DENND1B: variants seen among roughly 807,000 people sequenced by gnomAD.
DENND1B encodes the protein DENN domain containing 1B.
In DENND1B, 59 loss-of-function variants were observed where a neutral mutation model predicts 90.1. The observed-to-expected ratio is 0.65, with a 90% CI of 0.53 to 0.81. The LOEUF is 0.81. Ranked by LOEUF, DENND1B falls within the 40% of genes least tolerant of loss-of-function variation. The pLI, the probability that DENND1B is intolerant of heterozygous loss-of-function variation, is 0.00. For missense variants in DENND1B, 862 were observed against 912.6 expected, an observed-to-expected ratio of 0.94 and a Z score of 0.71; for synonymous variants, 337 against 324.6, an observed-to-expected ratio of 1.04 and a Z score of -0.41.
intron 13 of DENND1B, among the ~76,000 whole-genome samples, chr1:197,600,032 T>G (rs758642375): frequency 1.1e-4 from 17 of 151,756 alleles, no homozygotes; most frequent in Non-Finnish European, 1.9e-4. Flanking sequence ...AGGAAAACCT[T>G]TATATATGTT....
rs1670969786 is a variant in DENND1B, at chr1:197,548,354, T to TAG, written c.1241-1582_1241-1581insCT. ...CTTTAGAGCTCAGGCCTACTCTATCTTTGTGAAGGATGTGATTTGGGATGA... is the reference window on the plus strand; with the variant it reads ...CTTTAGAGCTCAGGCCTACTCTATCTAGTTGTGAAGGATGTGATTTGGGATGA... On this transcript the variant is annotated intron_variant, in intron 16 of 22. Coordinates refer to ENST00000620048, the MANE Select transcript of DENND1B (RefSeq NM_001195215.2). Among the ~76,000 whole-genome samples the TAG allele has an allele frequency of 3.3e-5, 5 of 152,270 alleles. No individual in the cohort carries two copies. The South Asian group carries it at 1.0e-3, about 32-fold the overall frequency.
intron 8 of DENND1B, 109 bp downstream of exon 8, chr1:197,646,946 A>G: frequency 1.3e-6 from 1 of 754,670 alleles, no homozygotes; most frequent in South Asian, 2.2e-5. Flanking sequence ...TAAGAGTCAA[A>G]TTCACCATTT....
At chr1:197,717,133 C>T (rs754083064) in intron 2 of DENND1B, among the ~76,000 whole-genome samples, 21 of 151,876 alleles carry the variant, frequency 1.4e-4, no homozygotes, top group Non-Finnish European at 2.4e-4. Flanking sequence ...TTAGTTACTG[C>T]CTATGTGATT....
At chr1:197,528,592 G>T (rs1669311521) in intron 20 of DENND1B, among the ~76,000 whole-genome samples, 1 of 152,150 alleles carries the variant, frequency 6.6e-6, no homozygotes, top group South Asian at 2.1e-4. Context: ...CGGGCGCGGT[G>T]ACTCACGCCT....
At chr1:197,637,878 G>A (rs1038511451) in intron 10 of DENND1B, among the ~76,000 whole-genome samples, 4 of 152,174 alleles carry the variant, frequency 2.6e-5, no homozygotes, top group Non-Finnish European at 5.9e-5. Flanking sequence ...TAGGAAGCAG[G>A]ACTACGTAAT....
intron 18 of DENND1B, among the ~76,000 whole-genome samples, chr1:197,545,275 G>A (rs967223415): frequency 5.3e-5 from 8 of 151,924 alleles, no homozygotes; most frequent in Non-Finnish European, 1.2e-4. Context: ...CATGGTGGTG[G>A]GTGCCTGTAA....
chr1:197,745,147 G>A (rs929602061), intron 2 of DENND1B, among the ~76,000 whole-genome samples: 2 of 152,166 alleles, frequency 1.3e-5, no homozygotes, highest in Admixed American at 6.5e-5. Flanking sequence ...AGCAATAAGG[G>A]TGTTTTGCTT....
chr1:197,534,503 C>T (rs192660982), intron 20 of DENND1B, among the ~76,000 whole-genome samples: 92 of 152,286 alleles, frequency 6.0e-4, no homozygotes, highest in African/African-American at 2.1e-3. Context: ...TTTGGAATGA[C>T]TGGGTAATTC....
chr1:197,721,231 A>G (rs141655598), intron 2 of DENND1B, among the ~76,000 whole-genome samples: 2,805 of 151,864 alleles, frequency 0.018, 83 homozygotes, highest in African/African-American at 0.063. Flanking sequence ...CACCACACCC[A>G]GCTAATTTTT....
intron 2 of DENND1B, among the ~76,000 whole-genome samples, chr1:197,757,726 A>T (rs1418268011): frequency 1.3e-5 from 2 of 152,204 alleles, no homozygotes; most frequent in African/African-American, 2.4e-5. Flanking sequence ...CAAGAAAGTT[A>T]TACAGGAATT....
chr1:197,741,665 T>G (rs1418597872), intron 2 of DENND1B, among the ~76,000 whole-genome samples: 1 of 152,132 alleles, frequency 6.6e-6, no homozygotes, highest in East Asian at 1.9e-4. Flanking sequence ...GCACAAAACT[T>G]AAAACATTGG....
chr1:197,777,119 T>C (rs1657309489), upstream of DENND1B, among the ~76,000 whole-genome samples: 1 of 152,160 alleles, frequency 6.6e-6, no homozygotes, highest in Non-Finnish European at 1.5e-5. Context: ...ATTCGTAAGC[T>C]AAAAGCCACT....
At chr1:197,718,157 A>C (rs1660818749) in intron 2 of DENND1B, among the ~76,000 whole-genome samples, 1 of 151,978 alleles carries the variant, frequency 6.6e-6, no homozygotes, top group South Asian at 2.1e-4. Context: ...GTTTTAAATA[A>C]TTTCCAATAA....
intron 10 of DENND1B, among the ~76,000 whole-genome samples, chr1:197,621,412 C>A (rs1678149210): frequency 6.6e-6 from 1 of 151,132 alleles, no homozygotes; most frequent in African/African-American, 2.4e-5. Flanking sequence ...AACTATTTAC[C>A]TGGAACATTT....
At chr1:197,707,176 T>C (rs963509303) in intron 3 of DENND1B, among the ~76,000 whole-genome samples, 1 of 152,194 alleles carries the variant, frequency 6.6e-6, no homozygotes, top group African/African-American at 2.4e-5. Context: ...GACAGATGTC[T>C]CATGTTCTCA....
intron 2 of DENND1B, chr1:197,747,578 A>T (rs1228637930): frequency 5.6e-6 from 1 of 177,480 alleles, no homozygotes; most frequent in Non-Finnish European, 1.2e-5. Flanking sequence ...CTGTTAAAAA[A>T]AAATGGCACC....
chr1:197,723,309 T>C (rs751952023), intron 2 of DENND1B, among the ~76,000 whole-genome samples: 3 of 152,162 alleles, frequency 2.0e-5, no homozygotes, highest in South Asian at 2.1e-4. Flanking sequence ...TGGGTGAGAA[T>C]TGAATTGAAA....
chr1:197,582,834 A>G (rs1674361755), intron 15 of DENND1B, among the ~76,000 whole-genome samples: 1 of 152,152 alleles, frequency 6.6e-6, no homozygotes, highest in South Asian at 2.1e-4. Context: ...TCAATCCACC[A>G]TACCAAAATA....
At chr1:197,544,358 G>A (rs1385903636) in intron 18 of DENND1B, among the ~76,000 whole-genome samples, 1 of 152,114 alleles carries the variant, frequency 6.6e-6, no homozygotes, top group Non-Finnish European at 1.5e-5. Flanking sequence ...AAGGGCAGAG[G>A]AGAATATCTC....
Sources: allele counts gnomAD v4.1 joint callset (sites outside exome capture counted in the v4.1 genomes callset), GRCh38; gene constraint gnomAD v4.1.1; transcripts MANE v1.5; gene names NCBI Gene and HGNC (gene_info 2026-07-23, HGNC 2026-07-21).